The following C7orf78 variants were observed in gnomAD, a reference collection of about 807,000 sequenced individuals.
C7orf78 encodes the protein chromosome 7 open reading frame 78.
chr7:12,534,283 T>A, the C7orf78 span, among the ~76,000 whole-genome samples: 1 of 151,984 alleles, frequency 6.6e-6, no homozygotes, highest in South Asian at 2.1e-4. Context: ...TTTAAGATTA[T>A]GTTCAGCCAT....
At chr7:12,511,480 A>G in the C7orf78 span, among the ~76,000 whole-genome samples, 72 of 152,100 alleles carry the variant, frequency 4.7e-4, no homozygotes, top group Non-Finnish European at 2.1e-4. Flanking sequence ...GGTCATTTTA[A>G]TGATATTGAT....
chr7:12,503,285 G>C, the C7orf78 span, among the ~76,000 whole-genome samples: 5 of 151,708 alleles, frequency 3.3e-5, no homozygotes, highest in African/African-American at 1.2e-4. Context: ...AATATTTATG[G>C]GATTTATGAG....
chr7:12,515,775 G>A, the C7orf78 span, among the ~76,000 whole-genome samples: 1 of 152,160 alleles, frequency 6.6e-6, no homozygotes, highest in Non-Finnish European at 1.5e-5. Flanking sequence ...AAAGAGACGG[G>A]TGGCATTTTG....
chr7:12,513,183 TTTTC>T, the C7orf78 span, among the ~76,000 whole-genome samples: 812 of 152,008 alleles, frequency 5.3e-3, 6 homozygotes, highest in African/African-American at 0.014. Flanking sequence ...CTCTTACCTT[TTTTC>T]TTTCTTTCTT....
chr7:12,502,663 A>G, the C7orf78 span, among the ~76,000 whole-genome samples: 1 of 152,206 alleles, frequency 6.6e-6, no homozygotes, highest in East Asian at 1.9e-4. Context: ...ACCATTGTAG[A>G]AGTTGGTGTG....
the C7orf78 span, among the ~76,000 whole-genome samples, chr7:12,534,853 C>T: frequency 1.2e-3 from 177 of 152,128 alleles, 2 homozygotes; most frequent in African/African-American, 4.1e-3. Flanking sequence ...ACACTAGAGG[C>T]TGAGGCGGGA....
At chr7:12,529,302 A>C in the C7orf78 span, among the ~76,000 whole-genome samples, 1 of 152,228 alleles carries the variant, frequency 6.6e-6, no homozygotes, top group Non-Finnish European at 1.5e-5. Flanking sequence ...AGTAGTTAAA[A>C]GCATGGCTTC....
At chr7:12,523,061 C>A in the C7orf78 span, 1 of 398,316 alleles carries the variant, frequency 2.5e-6, no homozygotes, top group Non-Finnish European at 4.4e-6. Context: ...GCTGCAATAT[C>A]CTTCACGACA....
At chr7:12,492,874 G>T in the C7orf78 span, among the ~76,000 whole-genome samples, 1 of 152,180 alleles carries the variant, frequency 6.6e-6, no homozygotes, top group Non-Finnish European at 1.5e-5. Flanking sequence ...AATGTGTTTT[G>T]CAGTATCTGA....
At chr7:12,518,547 A>G in the C7orf78 span, among the ~76,000 whole-genome samples, 1 of 152,120 alleles carries the variant, frequency 6.6e-6, no homozygotes, top group South Asian at 2.1e-4. Context: ...CCTAGATGGC[A>G]CATGTGAGTG....
the C7orf78 span, among the ~76,000 whole-genome samples, chr7:12,488,055 C>A: frequency 6.6e-6 from 1 of 152,028 alleles, no homozygotes; most frequent in African/African-American, 2.4e-5. Context: ...TATGCCAATT[C>A]TCAAGTATCA....
At chr7:12,493,710 C>A in the C7orf78 span, among the ~76,000 whole-genome samples, 2 of 152,208 alleles carry the variant, frequency 1.3e-5, no homozygotes, top group Non-Finnish European at 1.5e-5. Context: ...GTTAGACTAT[C>A]TTTCTACATT....
chr7:12,506,379 T>C, the C7orf78 span, among the ~76,000 whole-genome samples: 1 of 152,038 alleles, frequency 6.6e-6, no homozygotes, highest in Non-Finnish European at 1.5e-5. Flanking sequence ...ATGCAAAGAC[T>C]TGGAACCAAC....
chr7:12,513,839 A>C, the C7orf78 span, among the ~76,000 whole-genome samples: 7 of 152,104 alleles, frequency 4.6e-5, no homozygotes, highest in South Asian at 1.5e-3. Context: ...TCTCTACTAA[A>C]AATACAAAAA....
chr7:12,490,791 C>G, the C7orf78 span, among the ~76,000 whole-genome samples: 1 of 151,240 alleles, frequency 6.6e-6, no homozygotes, highest in African/African-American at 2.4e-5. Flanking sequence ...CAAAATTGAG[C>G]AAGAGTGAGA....
At chr7:12,513,810 C>G in the C7orf78 span, among the ~76,000 whole-genome samples, 3 of 151,468 alleles carry the variant, frequency 2.0e-5, no homozygotes, top group Non-Finnish European at 4.4e-5. Flanking sequence ...ACCATCCTGG[C>G]TTACACGGTG....
chr7:12,513,986 C>T, the C7orf78 span, among the ~76,000 whole-genome samples: 6 of 151,934 alleles, frequency 3.9e-5, no homozygotes, highest in Middle Eastern at 3.4e-3. Flanking sequence ...GGCAACAGAG[C>T]GAGACTCCGT....
At chr7:12,506,432 A>C in the C7orf78 span, among the ~76,000 whole-genome samples, 1 of 152,242 alleles carries the variant, frequency 6.6e-6, no homozygotes, top group Admixed American at 6.5e-5. Context: ...AAAATGTGGC[A>C]CATATACACC....
At chr7:12,513,932 G>A in the C7orf78 span, among the ~76,000 whole-genome samples, 1,249 of 152,228 alleles carry the variant, frequency 8.2e-3, 26 homozygotes, top group African/African-American at 0.028. Flanking sequence ...CCCAGGAGGC[G>A]GAGCTTGCAG....
Sources: gnomAD v4.1 joint callset for allele counts (sites outside exome capture counted in the v4.1 genomes callset) on GRCh38, gnomAD v4.1.1 for gene constraint, MANE v1.5 for transcripts, NCBI Gene and HGNC (gene_info 2026-07-23, HGNC 2026-07-21) for gene names.